Variants in GALNTL6 observed in about 807,000 individuals in gnomAD.
The protein encoded by GALNTL6 is polypeptide N-acetylgalactosaminyltransferase like 6.
In GALNTL6, 46 loss-of-function variants were observed where a neutral mutation model predicts 73.7. That is an observed-to-expected ratio of 0.62 (90% CI 0.49 to 0.80). The LOEUF is 0.80. Ranked by LOEUF, GALNTL6 falls within the 30% of genes least tolerant of loss-of-function variation. The pLI is 0.00. For missense variants in GALNTL6, 604 were observed against 755.0 expected, an observed-to-expected ratio of 0.80 and a Z score of 2.34; for synonymous variants, 259 against 263.7, an observed-to-expected ratio of 0.98 and a Z score of 0.17.
intron 5 of GALNTL6, among the ~76,000 whole-genome samples, chr4:172,584,802 G>C (rs901219372): frequency 6.6e-6 from 1 of 152,150 alleles, no homozygotes; most frequent in Non-Finnish European, 1.5e-5. Flanking sequence ...TGTGAATAGA[G>C]GTTTGGGAAT....
intron 2 of GALNTL6, among the ~76,000 whole-genome samples, chr4:172,059,359 G>A (rs1731123181): frequency 6.6e-6 from 1 of 152,076 alleles, no homozygotes; most frequent in South Asian, 2.1e-4. Flanking sequence ...GACTAAAGAA[G>A]ACATCATATT....
chr4:172,487,204 CTT>C (rs1008395954), intron 5 of GALNTL6, among the ~76,000 whole-genome samples: 8 of 150,314 alleles, frequency 5.3e-5, no homozygotes, highest in African/African-American at 1.9e-4. Context: ...TTCTTTCTTT[CTT>C]TCTTTCTCCT....
At chr4:172,979,901 T>C (rs903660505) in intron 10 of GALNTL6, among the ~76,000 whole-genome samples, 3 of 152,266 alleles carry the variant, frequency 2.0e-5, no homozygotes, top group Admixed American at 2.0e-4. Flanking sequence ...CAATTTGAAG[T>C]AATCCCTGTC....
At chr4:171,853,468 CT>C (rs544287248) in intron 2 of GALNTL6, among the ~76,000 whole-genome samples, 49 of 150,166 alleles carry the variant, frequency 3.3e-4, no homozygotes, top group African/African-American at 1.1e-3. Flanking sequence ...TCATTCTTTT[CT>C]TTTTTTTCTG....
At chr4:172,743,744 G>T (rs1200118579) in intron 5 of GALNTL6, among the ~76,000 whole-genome samples, 1 of 151,958 alleles carries the variant, frequency 6.6e-6, no homozygotes, top group Non-Finnish European at 1.5e-5. Flanking sequence ...GAAAAGAAAT[G>T]GCTTCTCGAT....
chr4:172,713,917 A>C (rs532031619), intron 5 of GALNTL6, among the ~76,000 whole-genome samples: 1 of 152,204 alleles, frequency 6.6e-6, no homozygotes, highest in African/African-American at 2.4e-5. Flanking sequence ...GCTGTTCCAC[A>C]AGAAAAACTG....
intron 2 of GALNTL6, among the ~76,000 whole-genome samples, chr4:171,851,062 G>A (rs148805468): frequency 3.9e-5 from 6 of 152,268 alleles, no homozygotes; most frequent in Admixed American, 3.9e-4. Context: ...TTCTCGTAGT[G>A]TATAATTCAC....
chr4:172,177,868 G>GT (rs1735098251), intron 2 of GALNTL6, among the ~76,000 whole-genome samples: 1 of 35,600 alleles, frequency 2.8e-5, no homozygotes, highest in African/African-American at 5.0e-5. Context: ...CACATACTAA[G>GT]GCATGCTAAT....
intron 8 of GALNTL6, among the ~76,000 whole-genome samples, chr4:172,890,167 C>T (rs141324316): frequency 4.5e-4 from 69 of 152,084 alleles, no homozygotes; most frequent in African/African-American, 1.4e-3. Context: ...ATCTTGCTAG[C>T]GGTCTATTGA....
At chr4:171,968,403 G>T (rs755746425) in intron 2 of GALNTL6, among the ~76,000 whole-genome samples, 1 of 152,098 alleles carries the variant, frequency 6.6e-6, no homozygotes, top group African/African-American at 2.4e-5. Flanking sequence ...CCTTGGAATT[G>T]CTCGTCTTTT....
intron 10 of GALNTL6, among the ~76,000 whole-genome samples, chr4:172,990,866 T>C (rs141742734): frequency 2.4e-3 from 366 of 152,336 alleles, no homozygotes; most frequent in African/African-American, 8.4e-3. Flanking sequence ...CACAAATTTA[T>C]AACACATTTC....
At chr4:171,996,606 A>G (rs1487177088) in intron 2 of GALNTL6, among the ~76,000 whole-genome samples, 10 of 151,770 alleles carry the variant, frequency 6.6e-5, no homozygotes, top group African/African-American at 2.4e-4. Flanking sequence ...CTATTATTTT[A>G]CTATTATTAT....
At chr4:172,004,789 A>T (rs937482020) in intron 2 of GALNTL6, among the ~76,000 whole-genome samples, 2 of 151,770 alleles carry the variant, frequency 1.3e-5, no homozygotes, top group Non-Finnish European at 2.9e-5. Context: ...TTGTTAAAGC[A>T]GACTTTGTCT....
intron 2 of GALNTL6, among the ~76,000 whole-genome samples, chr4:172,186,254 G>A (rs1225864764): frequency 6.6e-6 from 1 of 152,128 alleles, no homozygotes; most frequent in East Asian, 1.9e-4. Context: ...CTACTTGACA[G>A]CCCCTAGCAT....
intron 5 of GALNTL6, among the ~76,000 whole-genome samples, chr4:172,442,579 TCAACAAGAAAGGA>T (rs1209918016): frequency 6.6e-6 from 1 of 152,184 alleles, no homozygotes; most frequent in Non-Finnish European, 1.5e-5. Context: ...GCCTTTAAAC[TCAACAAGAAAGGA>T]CAACAAGAAA....
intron 5 of GALNTL6, among the ~76,000 whole-genome samples, chr4:172,628,083 A>G (rs1739240669): frequency 6.6e-6 from 1 of 152,106 alleles, no homozygotes; most frequent in Admixed American, 6.6e-5. Flanking sequence ...CTGCTACATT[A>G]TAGGAATATA....
At chr4:172,331,857 T>C (rs1741137248) in intron 4 of GALNTL6, among the ~76,000 whole-genome samples, 1 of 152,216 alleles carries the variant, frequency 6.6e-6, no homozygotes, top group African/African-American at 2.4e-5. Context: ...CTAATGTCTC[T>C]CCAAGATTAG....
intron 5 of GALNTL6, among the ~76,000 whole-genome samples, chr4:172,434,017 C>T (rs182970759): frequency 8.9e-4 from 136 of 152,194 alleles, no homozygotes; most frequent in South Asian, 1.7e-3. Flanking sequence ...AATTCTGGGA[C>T]ACCTTAAACA....
Position 172,558,618 on chromosome 4 carries a change from G to A in GALNTL6, c.553+209929G>A, listed in dbSNP as rs560415725. On this transcript the variant is annotated intron_variant, in intron 5 of 12. Transcript: ENST00000506823. ...TCTTGGACTTTTAGCCTCCAGAACTGTGAGGTAATACATTTATGTTGTTTA... is the reference window on the plus strand; with the variant it reads ...TCTTGGACTTTTAGCCTCCAGAACTATGAGGTAATACATTTATGTTGTTTA... 1.4e-4 allele frequency among the ~76,000 whole-genome samples: 22 copies of A among 152,266 alleles called. No homozygotes were observed. In the East Asian group the frequency reaches 1.5e-3, roughly 11 times the overall value.
Sources: allele counts gnomAD v4.1 joint callset (sites outside exome capture counted in the v4.1 genomes callset), GRCh38; gene constraint gnomAD v4.1.1; transcripts MANE v1.5; gene names NCBI Gene and HGNC (gene_info 2026-07-23, HGNC 2026-07-21).